JAKMIP3: variants seen among roughly 807,000 people sequenced by gnomAD.
The protein encoded by JAKMIP3 is Janus kinase and microtubule interacting protein 3.
In JAKMIP3, 58 loss-of-function variants were observed where a neutral mutation model predicts 118.5. The observed-to-expected ratio is 0.49, with a 90% CI of 0.40 to 0.61. The LOEUF (loss-of-function observed/expected upper bound fraction) is 0.61. Ranked by LOEUF, JAKMIP3 falls within the 20% of genes least tolerant of loss-of-function variation. The probability of loss-of-function intolerance (pLI) is 0.00; values close to 1 mark genes in which losing one functional copy is unlikely to be tolerated. For missense variants in JAKMIP3, 950 were observed against 1,109.0 expected (o/e 0.86, Z 2.04); for synonymous variants, 486 against 451.2 (o/e 1.08, Z -0.98).
chr10:132,075,974 C>T lies in JAKMIP3; in HGVS notation c.-138+9913C>T, dbSNP rs370176189. On this transcript the variant is annotated intron_variant, in intron 1 of 23. Coordinates refer to ENST00000684848, the MANE Select transcript of JAKMIP3 (RefSeq NM_001323087.2). ...ACTTGTATCTGTCTGGAAATGTTTA[C>T]TTCTCGTTTTTTGTTTTTTTGGTAA... is the stretch of plus-strand genomic sequence containing the variant. Among the ~76,000 whole-genome samples the T allele has an allele frequency of 1.4e-4, 22 of 152,206 alleles. No homozygotes were observed. In the South Asian group the frequency reaches 4.6e-3, roughly 32 times the overall value.
At chr10:132,087,053 G>C (rs2042489137) in intron 1 of JAKMIP3, among the ~76,000 whole-genome samples, 1 of 152,146 alleles carries the variant, frequency 6.6e-6, no homozygotes, top group Non-Finnish European at 1.5e-5. Context: ...TGTAGTGCTG[G>C]CTTGGTAGTG....
intron 8 of JAKMIP3, among the ~76,000 whole-genome samples, 193 bp from the exon 9 acceptor site, chr10:132,137,926 G>C (rs751855186): frequency 6.6e-6 from 1 of 152,198 alleles, no homozygotes; most frequent in African/African-American, 2.4e-5. Context: ...GGAGCCGTCC[G>C]TGTCACCCTG....
chr10:132,160,445 G>A (rs371576948), intron 19 of JAKMIP3, among the ~76,000 whole-genome samples: 21 of 54,204 alleles, frequency 3.9e-4, no homozygotes, highest in South Asian at 2.8e-3. Context: ...GTGTGATGCT[G>A]GGGGGGTCTC....
chr10:132,056,225 C>T (rs935803567), intron 1 of JAKMIP3, among the ~76,000 whole-genome samples: 8 of 152,258 alleles, frequency 5.3e-5, no homozygotes, highest in Admixed American at 2.0e-4. Context: ...ACAGTGAGGG[C>T]GCCTCTCAGC....
intron 13 of JAKMIP3, among the ~76,000 whole-genome samples, chr10:132,146,596 G>A (rs185515247): frequency 4.8e-4 from 73 of 152,288 alleles, no homozygotes; most frequent in African/African-American, 1.4e-3. Flanking sequence ...GATGTCTCAC[G>A]CTGGCAGGTG....
At position 132,179,766 on chromosome 10, in the gene JAKMIP3, A is replaced by AACAGCCACACCATGGC. The variant is rs371974581; in HGVS notation, c.*1104-2577_*1104-2562dup. Reference sequence around the variant, plus strand: ...TCACGCCACGGCAGGGTCACACCACAACAGCCACACCATGGCACAGCCACA... The same window carrying AACAGCCACACCATGGC: ...TCACGCCACGGCAGGGTCACACCACAACAGCCACACCATGGCACAGCCACACCATGGCACAGCCACA... On this transcript the variant is annotated intron_variant, in intron 23 of 23. Coordinates refer to ENST00000684848, the MANE Select transcript of JAKMIP3 (RefSeq NM_001323087.2). The surrounding 1 kb of genome is among the most constrained non-coding windows in gnomAD (Gnocchi z 4.3). Among the ~76,000 whole-genome samples the AACAGCCACACCATGGC allele has an allele frequency of 0.029, 4,456 of 151,998 alleles. 235 individuals carry two copies. The highest frequency in any genetic ancestry group is 0.1 in the African/African-American group (4,231 of 41,356).
chr10:132,064,439 C>T (rs932054946), upstream of JAKMIP3, among the ~76,000 whole-genome samples: 5 of 152,130 alleles, frequency 3.3e-5, no homozygotes, highest in African/African-American at 7.2e-5. This position sits in a 1 kb window ranked among gnomAD's most constrained non-coding sequence, Gnocchi z 4.4. Context: ...GCGTGGACCC[C>T]GAGCCGCCGG....
intron 21 of JAKMIP3, among the ~76,000 whole-genome samples, chr10:132,165,763 A>C (rs1320289712): frequency 6.6e-6 from 1 of 152,144 alleles, no homozygotes; most frequent in African/African-American, 2.4e-5. Context: ...AGGCGGTGAC[A>C]CCCATGCCCT....
chr10:132,070,395 G>A (rs547258050), intron 1 of JAKMIP3, among the ~76,000 whole-genome samples: 11 of 152,260 alleles, frequency 7.2e-5, no homozygotes, highest in Admixed American at 2.0e-4. Context: ...TGATCCGCCT[G>A]CCTCAGCCTC....
chr10:132,145,830 C>T (rs1365567951), intron 13 of JAKMIP3, among the ~76,000 whole-genome samples: 1 of 152,192 alleles, frequency 6.6e-6, no homozygotes, highest in South Asian at 2.1e-4. Flanking sequence ...CCCCTATCTG[C>T]AGCAGCATCT....
At chr10:132,123,949 C>T (rs555186376) in intron 3 of JAKMIP3, among the ~76,000 whole-genome samples, 4 of 152,282 alleles carry the variant, frequency 2.6e-5, no homozygotes, top group South Asian at 2.1e-4. Context: ...CTGCTGGGGA[C>T]GAGTTTGGGA....
chr10:132,074,865 G>T (rs1401939926), intron 1 of JAKMIP3, among the ~76,000 whole-genome samples: 1 of 152,108 alleles, frequency 6.6e-6, no homozygotes, highest in Non-Finnish European at 1.5e-5. Context: ...ATGATGAGAG[G>T]TATGGGTCCA....
intron 11 of JAKMIP3, among the ~76,000 whole-genome samples, chr10:132,142,332 G>T (rs1311634918): frequency 6.6e-6 from 1 of 152,218 alleles, no homozygotes; most frequent in Non-Finnish European, 1.5e-5. Flanking sequence ...GGTGGCAGGG[G>T]CCCACAGCGC....
chr10:132,070,298 C>T (rs1226756808), intron 1 of JAKMIP3, among the ~76,000 whole-genome samples: 1 of 152,182 alleles, frequency 6.6e-6, no homozygotes, highest in African/African-American at 2.4e-5. Context: ...CAGGTGTCCG[C>T]CACCACACCC....
intron 19 of JAKMIP3, among the ~76,000 whole-genome samples, chr10:132,161,728 T>A (rs2058356848): frequency 7.5e-5 from 3 of 40,038 alleles, no homozygotes; most frequent in Non-Finnish European, 1.3e-4. Context: ...CCCTGTGTGA[T>A]GCTGGGGGGT....
At chr10:132,167,835 GGCCCTCGCCCCTCGCCCCTCA>G (rs2059085072) in intron 22 of JAKMIP3, 97 bp from the exon 23 acceptor site, 1 of 569,320 alleles carries the variant, frequency 1.8e-6, no homozygotes, top group South Asian at 1.7e-5. Flanking sequence ...CTCACCCCTC[GGCCCTCGCCCCTCGCCCCTCA>G]CCCCTCGGCC....
intron 1 of JAKMIP3, among the ~76,000 whole-genome samples, chr10:132,096,893 C>G (rs2043943140): frequency 6.6e-6 from 1 of 152,172 alleles, no homozygotes; most frequent in African/African-American, 2.4e-5. Flanking sequence ...ATCCAGCAAC[C>G]CAGAGCCAAC....
At chr10:132,115,187 G>A (rs2047432917) in intron 2 of JAKMIP3, among the ~76,000 whole-genome samples, 1 of 142,812 alleles carries the variant, frequency 7.0e-6, no homozygotes, top group African/African-American at 2.7e-5. Flanking sequence ...TCCAGCACTG[G>A]CAGGTCACCG....
upstream of JAKMIP3, among the ~76,000 whole-genome samples, chr10:132,063,089 G>C (rs867731122): frequency 6.6e-6 from 1 of 152,284 alleles, no homozygotes; most frequent in African/African-American, 2.4e-5. Flanking sequence ...GAGCAGCAGA[G>C]CCCTGGATTT....
Sources: allele counts gnomAD v4.1 joint callset (sites outside exome capture counted in the v4.1 genomes callset), GRCh38; gene constraint gnomAD v4.1.1; non-coding constraint Gnocchi (gnomAD v3.1); transcripts MANE v1.5; gene names NCBI Gene and HGNC (gene_info 2026-07-23, HGNC 2026-07-21).